Variants in APOL6 observed in about 807,000 individuals in gnomAD.
APOL6 encodes apolipoprotein L, 6.
Under a neutral mutation model 2.4 loss-of-function variants are expected in APOL6, and 1 was observed. The observed-to-expected ratio is 0.41, with a 90% CI of 0.15 to 1.94. APOL6 has a LOEUF of 1.94. Ranked by LOEUF, APOL6 falls within the 30% of genes most tolerant of loss-of-function variation. APOL6 has a pLI of 0.30. For synonymous variants in APOL6, 189 were observed against 169.3 expected, an observed-to-expected ratio of 1.12 and a Z score of -0.90; for missense variants, 438 against 429.2, an observed-to-expected ratio of 1.02 and a Z score of -0.18.
At chr22:35,653,670 T>C (rs1924761288) in intron 1 of APOL6, among the ~76,000 whole-genome samples, 1 of 152,218 alleles carries the variant, frequency 6.6e-6, no homozygotes, top group African/African-American at 2.4e-5. Flanking sequence ...TGAACTCTAC[T>C]ACTACCCTCA....
In APOL6 at chr22:35,661,484, T is replaced by C. The variant is rs1925027034; in HGVS notation, c.*1888T>C. 1 of 152,020 alleles carries C rather than the reference T, an allele frequency of 6.6e-6. No homozygotes were observed. The highest frequency in any genetic ancestry group is 1.5e-5 in the Non-Finnish European group (1 of 68,026). The allele number at this position is 152,020 out of a possible 1,614,324, so 9.4% of individuals were successfully genotyped here. A position where few individuals can be genotyped will look rare whatever the true frequency, so the allele number is the denominator to read the frequency against. ...GTGTGATTATCACAGATTGTACTTA[T>C]ACAAAACTTAGATGGCATAGCCTAC... On this transcript the variant is annotated 3_prime_UTR_variant, in exon 3 of 3. Coordinates refer to ENST00000409652, the MANE Select transcript of APOL6 (RefSeq NM_030641.4).
At position 35,660,494 on chromosome 22, in the gene APOL6, G is replaced by T. The variant is rs528016881; in HGVS notation, c.*898G>T. 1.3e-5 allele frequency: 2 copies of T among 152,338 alleles called. No individual in the cohort carries two copies. The highest frequency in any genetic ancestry group is 2.1e-4 in the South Asian group (1 of 4,828). 9.4% of individuals were successfully genotyped at this position (152,338 alleles called of 1,614,324 possible). A position where few individuals can be genotyped will look rare whatever the true frequency, so the allele number is the denominator to read the frequency against. On this transcript the variant is annotated 3_prime_UTR_variant, in exon 3 of 3. Coordinates refer to ENST00000409652, the MANE Select transcript of APOL6 (RefSeq NM_030641.4). ...ATCTATAGTAGTTTGTTACTATTTTGTTATAGCAACCAAAGATGACTAAGC... is the reference window on the plus strand; with the variant it reads ...ATCTATAGTAGTTTGTTACTATTTTTTTATAGCAACCAAAGATGACTAAGC...
At chr22:35,650,265 T>C (rs1924652954) in intron 1 of APOL6, among the ~76,000 whole-genome samples, 2 of 152,212 alleles carry the variant, frequency 1.3e-5, no homozygotes, top group Non-Finnish European at 2.9e-5. Flanking sequence ...TTCTTTTTCA[T>C]AGACTACCCC....
chr22:35,658,188 CCCA>C (rs1290852494), intron 2 of APOL6, among the ~76,000 whole-genome samples: 1 of 152,156 alleles, frequency 6.6e-6, no homozygotes, highest in Admixed American at 6.5e-5. Flanking sequence ...TCATCCCCTG[CCCA>C]CCACCTTGTC....
chr22:35,656,599 C>A lies in APOL6; in HGVS notation c.50+124C>A, dbSNP rs1601866909. On this transcript the variant is annotated intron_variant, in intron 2 of 2. Coordinates refer to ENST00000409652, the MANE Select transcript of APOL6 (RefSeq NM_030641.4). ...CTGTTAAGTGGGCCTTATCTTACCG[C>A]TGGTCTCCATTATGCATATGAAAAT... is the stretch of plus-strand genomic sequence containing the variant. The A allele has an allele frequency of 3.6e-6, 4 of 1,126,172 alleles. No individual in the cohort carries two copies. In the East Asian group the frequency reaches 7.2e-5, roughly 20 times the overall value. The allele number at this position is 1,126,172 out of a possible 1,614,324, so 69.8% of individuals were successfully genotyped here.
Position 35,659,753 on chromosome 22 carries a change from CTGTTTGTTTGTT to C in APOL6, c.*179_*190del, listed in dbSNP as rs200355715. 1.8e-4 allele frequency: 216 copies of C among 1,177,690 alleles called. 1 individual carries two copies. The highest frequency in any genetic ancestry group is 6.0e-4 in the Middle Eastern group (2 of 3,338). 73.0% of individuals were successfully genotyped at this position (1,177,690 alleles called of 1,614,324 possible). ...CTATGTGCTGGGAAAAGGGTCTTCC[CTGTTTGTTTGTT>C]TGTTTGTTTGTTTGTTTGTTTTGAG... On this transcript the variant is annotated 3_prime_UTR_variant, in exon 3 of 3. Coordinates refer to ENST00000409652, the MANE Select transcript of APOL6 (RefSeq NM_030641.4).
In APOL6 at chr22:35,666,715, T is replaced by A. The variant is rs1468550487; in HGVS notation, c.*7119T>A. On this transcript the variant is annotated 3_prime_UTR_variant, in exon 3 of 3. Transcript: ENST00000409652. ...TTTCAGGACTCATGGAGAGCTAAAA[T>A]GTTCATGAGTATCAAGCAGAACAGG... 6.6e-6 allele frequency: 1 copy of A among 152,162 alleles called. No individual in the cohort carries two copies. Among genetic ancestry groups the A allele is most frequent in the East Asian group, 1.9e-4 (1 of 5,200 alleles). 9.4% of individuals were successfully genotyped at this position (152,162 alleles called of 1,614,324 possible).
rs1170352028 is a variant in APOL6, at chr22:35,664,113, G to C, written c.*4517G>C. The stretch of plus-strand genomic sequence containing the variant: ...TAAAATTATTGGTAAAGTAGTATTA[G>C]AAATGTCTTAAGAATTGCCAGCATA... On this transcript the variant is annotated 3_prime_UTR_variant, in exon 3 of 3. Coordinates refer to ENST00000409652, the MANE Select transcript of APOL6 (RefSeq NM_030641.4). The C allele has an allele frequency of 6.6e-6, 1 of 152,192 alleles. No homozygotes were observed. The highest frequency in any genetic ancestry group is 1.9e-4 in the East Asian group (1 of 5,202). 9.4% of individuals were successfully genotyped at this position (152,192 alleles called of 1,614,324 possible). A position where few individuals can be genotyped will look rare whatever the true frequency, so the allele number is the denominator to read the frequency against.
In APOL6 at chr22:35,654,941, A is replaced by T. The variant is rs117985742; in HGVS notation, c.-47-1438A>T. ...ATAAAGGTTAACCACTGAGAACTTT[A>T]GACCCTTATAGGCCTGGAGATGGTA... On this transcript the variant is annotated intron_variant, in intron 1 of 2. Transcript: ENST00000409652. Among the ~76,000 whole-genome samples, 100 of 152,326 alleles carry T rather than the reference A, an allele frequency of 6.6e-4. 3 individuals carry two copies. The East Asian group carries it at 0.018, about 28-fold the overall frequency.
rs936941753 is a variant in APOL6, at chr22:35,662,950, T to C, written c.*3354T>C. ...ATTTTGCTGTACAACACCTCTTTTT[T>C]TGGAGTTTTACTTGCTCCCAACAAG... On this transcript the variant is annotated 3_prime_UTR_variant, in exon 3 of 3. Transcript: ENST00000409652. 13 of 152,160 alleles carry C rather than the reference T, an allele frequency of 8.5e-5. No individual in the cohort carries two copies. Among genetic ancestry groups the C allele is most frequent in the South Asian group, 2.1e-4 (1 of 4,832 alleles). The allele number at this position is 152,160 out of a possible 1,614,324, so 9.4% of individuals were successfully genotyped here. A position where few individuals can be genotyped will look rare whatever the true frequency, so the allele number is the denominator to read the frequency against.
At position 35,659,271 on chromosome 22, in the gene APOL6, T is replaced by C; in HGVS notation, c.707T>C (p.Leu236Pro). ...TLAMTKNARV[L>P]GGVMSAFSLG... ...GCGATGACCAAAAATGCTCGCGTGCTGGGAGGTGTGATGTCCGCCTTCTCC... is the reference window on the plus strand; with the variant it reads ...GCGATGACCAAAAATGCTCGCGTGCCGGGAGGTGTGATGTCCGCCTTCTCC... Residue 236 changes from leucine (L) to proline (P), a missense_variant, in exon 3 of 3, where the codon CTG (leucine) becomes CCG (proline). Leu to Pro is a moderately conservative substitution (Grantham distance 98, BLOSUM62 -3). Coordinates refer to ENST00000409652, the MANE Select transcript of APOL6 (RefSeq NM_030641.4). The C allele has an allele frequency of 6.2e-7, 1 of 1,614,162 alleles. No homozygotes were observed. Among genetic ancestry groups the C allele is most frequent in the Non-Finnish European group, 8.5e-7 (1 of 1,180,018 alleles).
chr22:35,659,565 T>C lies in APOL6; in HGVS notation c.1001T>C (p.Leu334Pro). 2 of 1,612,658 alleles carry C rather than the reference T, an allele frequency of 1.2e-6. No homozygotes were observed. Among genetic ancestry groups the C allele is most frequent in the Non-Finnish European group, 1.7e-6 (2 of 1,179,382 alleles). Residue 334 changes from leucine (L) to proline (P), a missense_variant, in exon 3 of 3, where the codon CTG (leucine) becomes CCG (proline). Transcript: ENST00000409652. Reference sequence around the variant, plus strand: ...ATGTGGCTGTGGCTGTGTGTGTGTCTGTGTGTCTGTGTGTATGTACAGTTT... The same window carrying C: ...ATGTGGCTGTGGCTGTGTGTGTGTCCGTGTGTCTGTGTGTATGTACAGTTT... The part of the protein sequence containing the change: ...VWMWLWLCVC[L>P]CVCVYVQFT
In APOL6 at chr22:35,665,003, T is replaced by C. The variant is rs1281433615; in HGVS notation, c.*5407T>C. 1 of 151,770 alleles carries C rather than the reference T, an allele frequency of 6.6e-6. No individual in the cohort carries two copies. Among genetic ancestry groups the C allele is most frequent in the Non-Finnish European group, 1.5e-5 (1 of 67,938 alleles). 9.4% of individuals were successfully genotyped at this position (151,770 alleles called of 1,614,324 possible). ...TTATATGGTAAATTTAGTCCTAAAA[T>C]AAAATAACTGGTTGTTTAACAAGGA... is the stretch of plus-strand genomic sequence containing the variant. On this transcript the variant is annotated 3_prime_UTR_variant, in exon 3 of 3. Transcript: ENST00000409652.
rs1375659065 is a variant in APOL6 at position 35,665,182 on chromosome 22, T to C, written c.*5586T>C. 2 of 152,100 alleles carry C rather than the reference T, an allele frequency of 1.3e-5. No homozygotes were observed. Among genetic ancestry groups the C allele is most frequent in the African/African-American group, 4.8e-5 (2 of 41,422 alleles). 9.4% of individuals were successfully genotyped at this position (152,100 alleles called of 1,614,324 possible). On this transcript the variant is annotated 3_prime_UTR_variant, in exon 3 of 3. Transcript: ENST00000409652. ...ATATTATTATTAAGTTTTGGTTTGC[T>C]TAGGGAAGAAAGAGCTAATTTTTAA...
chr22:35,655,607 G>T (rs1924824495), intron 1 of APOL6, among the ~76,000 whole-genome samples: 2 of 151,982 alleles, frequency 1.3e-5, no homozygotes. Flanking sequence ...TAATTTGTTT[G>T]TTTATTCTTC....
Position 35,667,161 on chromosome 22 carries a change from G to C in APOL6, c.*7565G>C, listed in dbSNP as rs906418742. 5 of 152,168 alleles carry C rather than the reference G, an allele frequency of 3.3e-5. No individual in the cohort carries two copies. The highest frequency in any genetic ancestry group is 7.3e-5 in the Non-Finnish European group (5 of 68,040). The allele number at this position is 152,168 out of a possible 1,614,324, so 9.4% of individuals were successfully genotyped here. A position where few individuals can be genotyped will look rare whatever the true frequency, so the allele number is the denominator to read the frequency against. ...TACACAGTCTCCGTACAAGATTTCT[G>C]ACCTGTAGTAAGTAAAGAATGTCAC... On this transcript the variant is annotated 3_prime_UTR_variant, in exon 3 of 3. Transcript: ENST00000409652.
chr22:35,658,543 G>A (rs1488190357), intron 2 of APOL6, 72 bp from the exon 3 acceptor site: 1 of 1,351,496 alleles, frequency 7.4e-7, no homozygotes. Flanking sequence ...AGAGTGGCAA[G>A]AATATCCAAG....
rs1924952297 is a variant in APOL6, at chr22:35,659,361, A to C, written c.797A>C (p.Lys266Thr). 2 of 1,614,018 alleles carry C rather than the reference A, an allele frequency of 1.2e-6. No homozygotes were observed. Among genetic ancestry groups the C allele is most frequent in the Non-Finnish European group, 1.7e-6 (2 of 1,180,010 alleles). The change falls in exon 3 of 3, where the codon AAG (lysine) becomes ACG (threonine). Residue 266 changes from lysine to threonine, a missense_variant. Lys to Thr is a moderately conservative substitution (Grantham distance 78). Coordinates refer to ENST00000409652, the MANE Select transcript of APOL6 (RefSeq NM_030641.4). The stretch of plus-strand genomic sequence containing the variant: ...CACCTGAAGGAAGGAGCAAGGACAA[A>C]GTTTGCGGAAGAGTTGAGAGCCAAG... ...WKHLKEGARTKFAEELRAKAL... is the reference protein window; with the variant it reads ...WKHLKEGARTTFAEELRAKAL...
chr22:35,654,483 A>G (rs1924787801), intron 1 of APOL6, among the ~76,000 whole-genome samples: 1 of 151,784 alleles, frequency 6.6e-6, no homozygotes, highest in Non-Finnish European at 1.5e-5. Flanking sequence ...GGAAATTCCA[A>G]GGGTTTTAAG....
Sources: allele counts gnomAD v4.1 joint callset (sites outside exome capture counted in the v4.1 genomes callset), GRCh38; gene constraint gnomAD v4.1.1; transcripts MANE v1.5; gene names NCBI Gene and HGNC (gene_info 2026-07-23, HGNC 2026-07-21).